Variants in TRIP12 observed in about 807,000 individuals in gnomAD.
TRIP12 encodes the protein thyroid hormone receptor interactor 12, also known as E3 ubiquitin-protein ligase TRIP12.
TRIP12 carries 25 observed loss-of-function variants against 244.2 expected under a neutral mutation model. The observed-to-expected ratio is 0.10, with a 90% CI of 0.07 to 0.14. The LOEUF is 0.14. Among genes scored for constraint, TRIP12 ranks in the 10% least tolerant of loss-of-function variants. The pLI, the probability that TRIP12 is intolerant of heterozygous loss-of-function variation, is 1.00. For missense variants in TRIP12, 1,677 were observed against 2,486.4 expected (o/e 0.67, Z 6.92); for synonymous variants, 905 against 873.1 (o/e 1.04, Z -0.64).
intron 4 of TRIP12, among the ~76,000 whole-genome samples, chr2:229,850,586 C>T (rs997042632): frequency 5.3e-5 from 8 of 152,224 alleles, no homozygotes; most frequent in Non-Finnish European, 7.3e-5. Context: ...TCGCTCTCGG[C>T]GCCTCCTCTG....
rs558661604 is a variant in TRIP12 at position 229,854,129 on chromosome 2, C to T, written c.1027+4643G>A. Among the ~76,000 whole-genome samples, 3 of 152,204 alleles carry T rather than the reference C, an allele frequency of 2.0e-5. No homozygotes were observed. The South Asian group carries it at 6.2e-4, about 32-fold the overall frequency. On this transcript the variant is annotated intron_variant, in intron 4 of 41. Transcript: ENST00000675903. The stretch of plus-strand genomic sequence containing the variant: ...TGCTTAGTGGCAAAGTCTGGGCTTT[C>T]GGTATTAGCCATCATCCAAATAATG...
intron 32 of TRIP12, 140 bp from the exon 33 acceptor site, chr2:229,787,801 AATTT>A (rs1326190293): frequency 3.3e-5 from 28 of 843,412 alleles, no homozygotes; most frequent in Admixed American, 2.1e-4. Context: ...TGTTTAGGTC[AATTT>A]ATTTATTTAT....
At chr2:229,834,689 G>A (rs1421089768) in intron 6 of TRIP12, among the ~76,000 whole-genome samples, 2 of 152,100 alleles carry the variant, frequency 1.3e-5, no homozygotes, top group Non-Finnish European at 2.9e-5. Flanking sequence ...GAACCCAGGA[G>A]GCAGAGGCTG....
intron 13 of TRIP12, 32 bp downstream of exon 13, chr2:229,813,838 T>A: frequency 1.4e-6 from 2 of 1,416,436 alleles, no homozygotes; most frequent in Non-Finnish European, 1.9e-6. Flanking sequence ...AATAAAACAC[T>A]TTATGGCACA....
At chr2:229,798,462 C>CT (rs2043366778) in intron 23 of TRIP12, among the ~76,000 whole-genome samples, 1 of 142,152 alleles carries the variant, frequency 7.0e-6, no homozygotes, top group Admixed American at 6.9e-5. Context: ...GTCCCAAGGA[C>CT]TTAAAAAAAA....
chr2:229,867,171 G>GTTGTT (rs1553716910), intron 2 of TRIP12, among the ~76,000 whole-genome samples: 1 of 123,536 alleles, frequency 8.1e-6, no homozygotes, highest in Non-Finnish European at 1.6e-5. Flanking sequence ...TTGTTTGTTT[G>GTTGTT]TTTTTTTTTT....
At chr2:229,910,155 T>C (rs1264380368) in intron 1 of TRIP12, among the ~76,000 whole-genome samples, 3 of 152,204 alleles carry the variant, frequency 2.0e-5, no homozygotes, top group South Asian at 2.1e-4. Context: ...AAAATAACTA[T>C]AGATAGATTA....
At chr2:229,836,795 T>G (rs2054940860) in intron 6 of TRIP12, 53 bp downstream of exon 6, 3 of 1,553,542 alleles carry the variant, frequency 1.9e-6, no homozygotes, top group Non-Finnish European at 2.6e-6. Flanking sequence ...CCTCTGCCCA[T>G]CAAATCTGTA....
At chr2:229,821,010 T>C (rs184883727) in intron 8 of TRIP12, among the ~76,000 whole-genome samples, 6 of 152,362 alleles carry the variant, frequency 3.9e-5, no homozygotes, top group African/African-American at 1.4e-4. Context: ...CAAACTCATA[T>C]TGTTCAAGAG....
At chr2:229,904,086 A>C (rs2071912340) in intron 1 of TRIP12, among the ~76,000 whole-genome samples, 1 of 152,072 alleles carries the variant, frequency 6.6e-6, no homozygotes, top group Admixed American at 6.6e-5. Flanking sequence ...ATGGCTTCAC[A>C]GATATGAGTA....
intron 1 of TRIP12, among the ~76,000 whole-genome samples, chr2:229,915,815 TC>T (rs2075277069): frequency 1.3e-5 from 2 of 152,172 alleles, no homozygotes; most frequent in Middle Eastern, 3.4e-3. Flanking sequence ...CACCTCAGCC[TC>T]CCAGGTAGCT....
chr2:229,822,280 G>GC (rs2050277013), intron 8 of TRIP12, among the ~76,000 whole-genome samples: 1 of 152,254 alleles, frequency 6.6e-6, no homozygotes, highest in East Asian at 1.9e-4. Flanking sequence ...AAGACACACA[G>GC]CTGGTACCTG....
chr2:229,806,018 A>G, intron 17 of TRIP12, 135 bp from the exon 18 acceptor site: 1 of 666,114 alleles, frequency 1.5e-6, no homozygotes, highest in South Asian at 3.4e-5. Context: ...TTAACAGAAG[A>G]TGGAATAATA....
chr2:229,821,911 G>A (rs1022299380), intron 8 of TRIP12, among the ~76,000 whole-genome samples: 3 of 152,178 alleles, frequency 2.0e-5, no homozygotes, highest in African/African-American at 7.2e-5. Context: ...AGGCCAAGAT[G>A]GGCGGATCAC....
intron 1 of TRIP12, among the ~76,000 whole-genome samples, chr2:229,893,965 A>T (rs1044710664): frequency 6.6e-6 from 1 of 152,168 alleles, no homozygotes; most frequent in Non-Finnish European, 1.5e-5. Flanking sequence ...CGCCCACCTC[A>T]GCCTCTCAAA....
At chr2:229,864,774 G>C (rs2061209772) in intron 2 of TRIP12, among the ~76,000 whole-genome samples, 1 of 152,118 alleles carries the variant, frequency 6.6e-6, no homozygotes. Flanking sequence ...CACTGCAACA[G>C]AACAGACTAT....
intron 8 of TRIP12, among the ~76,000 whole-genome samples, chr2:229,823,023 A>C (rs2050493654): frequency 6.6e-6 from 1 of 152,204 alleles, no homozygotes; most frequent in African/African-American, 2.4e-5. Context: ...GCAAAGAGAA[A>C]AAATTCTGAA....
At chr2:229,867,167 G>GT (rs1359589033) in intron 2 of TRIP12, among the ~76,000 whole-genome samples, 12,583 of 57,896 alleles carry the variant, frequency 0.22, 725 homozygotes, top group Admixed American at 0.36. Context: ...TTGTTTGTTT[G>GT]TTTGTTTTTT....
At position 229,789,966 on chromosome 2, in the gene TRIP12, T is replaced by C. The variant is rs1575468; in HGVS notation, c.4544-204A>G. Reference sequence around the variant, plus strand: ...CCTTGGCTTATAAAAATTTCACTTTTCCCTCCCATACACAAATAAACATTA... The same window carrying C: ...CCTTGGCTTATAAAAATTTCACTTTCCCCTCCCATACACAAATAAACATTA... On this transcript the variant is annotated intron_variant, in intron 30 of 41. Transcript: ENST00000675903. 0.53 allele frequency among the ~76,000 whole-genome samples: 81,210 copies of C among 151,950 alleles called. 22,632 individuals are homozygous for C. Among genetic ancestry groups the C allele is most frequent in the African/African-American group, 0.69 (28,759 of 41,412 alleles).
Sources: gnomAD v4.1 joint callset for allele counts (sites outside exome capture counted in the v4.1 genomes callset) on GRCh38, gnomAD v4.1.1 for gene constraint, MANE v1.5 for transcripts, NCBI Gene and HGNC (gene_info 2026-07-23, HGNC 2026-07-21) for gene names.